ANO1: variants seen among roughly 807,000 people sequenced by gnomAD.
The protein encoded by ANO1 is anoctamin 1, also known as anoctamin-1.
Under a neutral mutation model 124.0 loss-of-function variants are expected in ANO1, and 59 were observed. The observed-to-expected ratio is 0.48, with a 90% CI of 0.39 to 0.59. The LOEUF is 0.59. Ranked by LOEUF, ANO1 falls within the 20% of genes least tolerant of loss-of-function variation. ANO1 has a pLI of 0.00. For synonymous variants in ANO1, 529 were observed against 532.0 expected (o/e 0.99, Z 0.08); for missense variants, 1,059 against 1,328.0 (o/e 0.80, Z 3.15).
intron 11 of ANO1, among the ~76,000 whole-genome samples, chr11:70,146,151 A>G (rs2047369607): frequency 6.6e-6 from 1 of 152,134 alleles, no homozygotes; most frequent in Admixed American, 6.6e-5. Flanking sequence ...TTGGTCCAGT[A>G]TCGTGGTTCT....
intron 22 of ANO1, among the ~76,000 whole-genome samples, chr11:70,173,176 G>A (rs951164142): frequency 4.6e-5 from 7 of 152,138 alleles, no homozygotes; most frequent in African/African-American, 1.2e-4. Flanking sequence ...CATTTTCACA[G>A]GTCAAAGACC....
intron 6 of ANO1, among the ~76,000 whole-genome samples, chr11:70,109,960 C>T (rs1008676253): frequency 5.9e-5 from 9 of 152,152 alleles, no homozygotes; most frequent in East Asian, 3.9e-4. Flanking sequence ...TAAATTCATC[C>T]GCAAGTGCTG....
intron 1 of ANO1, chr11:70,085,439 G>A (rs1284482660): frequency 2.0e-6 from 3 of 1,534,164 alleles, no homozygotes; most frequent in African/African-American, 2.7e-5. Flanking sequence ...AGGTCCTCCT[G>A]AAGGTCACCA....
upstream of ANO1, among the ~76,000 whole-genome samples, chr11:69,985,519 A>AC (rs1554996762): frequency 2.0e-5 from 3 of 151,850 alleles, no homozygotes; most frequent in Admixed American, 2.0e-4. Context: ...CTGATGCGGG[A>AC]ACCAGGGCCA....
rs1202610545 is a variant in ANO1 at position 70,118,521 on chromosome 11, T to C, written c.897+2022T>C. 3.3e-5 allele frequency among the ~76,000 whole-genome samples: 5 copies of C among 151,970 alleles called. No individual in the cohort carries two copies. The East Asian group carries it at 9.7e-4, about 29-fold the overall frequency. The stretch of plus-strand genomic sequence containing the variant: ...GATGGATGGATTAATGGATGATAGA[T>C]GGATGGATAGAGATGGAGATGGATA... On this transcript the variant is annotated intron_variant, in intron 8 of 25. Coordinates refer to ENST00000355303, the MANE Select transcript of ANO1 (RefSeq NM_018043.7).
chr11:70,097,453 C>G (rs1300646340), intron 2 of ANO1, among the ~76,000 whole-genome samples: 1 of 152,202 alleles, frequency 6.6e-6, no homozygotes, highest in African/African-American at 2.4e-5. Context: ...GTGGGAAATA[C>G]CAGGCACCGG....
intron 23 of ANO1, among the ~76,000 whole-genome samples, chr11:70,180,679 G>A (rs531071997): frequency 6.6e-6 from 1 of 152,258 alleles, no homozygotes; most frequent in Admixed American, 6.5e-5. Flanking sequence ...GACAGAGATA[G>A]GAGGGAAGAC....
intron 1 of ANO1, among the ~76,000 whole-genome samples, chr11:69,987,600 G>C (rs1856069789): frequency 9.8e-6 from 1 of 102,370 alleles, no homozygotes; most frequent in African/African-American, 4.5e-5. Flanking sequence ...GCAAGACCAT[G>C]TCTCAAAAAA....
chr11:70,092,778 G>T (rs986567394), intron 2 of ANO1, among the ~76,000 whole-genome samples: 1 of 152,192 alleles, frequency 6.6e-6, no homozygotes, highest in African/African-American at 2.4e-5. Flanking sequence ...CAAGACCCCA[G>T]GGCCGGCTCC....
At chr11:69,992,629 C>A (rs892464838) in intron 1 of ANO1, among the ~76,000 whole-genome samples, 6 of 152,172 alleles carry the variant, frequency 3.9e-5, no homozygotes, top group Non-Finnish European at 8.8e-5. Flanking sequence ...TGGCTCCAAC[C>A]TAGGTCCTCA....
At chr11:70,163,558 C>T (rs895108638) in intron 19 of ANO1, 19 of 629,174 alleles carry the variant, frequency 3.0e-5, no homozygotes, top group African/African-American at 3.0e-4. Flanking sequence ...AGGATAAAGT[C>T]GCTGTAGAGT....
At chr11:70,069,125 G>A (rs1403556498) in intron 1 of ANO1, among the ~76,000 whole-genome samples, 1 of 152,252 alleles carries the variant, frequency 6.6e-6, no homozygotes, top group Non-Finnish European at 1.5e-5. Flanking sequence ...CTGAGCATGG[G>A]CTGGGGGTTC....
At position 70,078,555 on chromosome 11, in the gene ANO1, C is replaced by G. The variant is rs548261789; in HGVS notation, c.-52C>G. 7 of 1,315,162 alleles carry G rather than the reference C, an allele frequency of 5.3e-6. No individual in the cohort carries two copies. The highest frequency in any genetic ancestry group is 4.7e-5 in the African/African-American group (3 of 63,618). 81.5% of individuals were successfully genotyped at this position (1,315,162 alleles called of 1,614,324 possible). On this transcript the variant is annotated 5_prime_UTR_variant, in exon 1 of 26. Transcript: ENST00000355303. ...CTCCGCCCGCAGAGGCCGCCGGGGC[C>G]GTGGATGGGGAGGGCGCGCCGCCCG...
In ANO1 at chr11:70,182,526, G is replaced by C. The variant is rs754807992; in HGVS notation, c.2428G>C (p.Asp810His). 1 of 1,599,464 alleles carries C rather than the reference G, an allele frequency of 6.3e-7. No individual in the cohort carries two copies. The highest frequency in any genetic ancestry group is 1.7e-5 in the Admixed American group (1 of 58,248). ...INAFVISFTS[D>H]FIPRLVYLYM... is the part of the protein sequence containing the mutation. ...GGCCTTCGTGATCTCCTTCACGTCT[G>C]ACTTCATCCCGCGCCTGGTGTACCT... The change falls in exon 24 of 26, where the codon GAC (aspartate) becomes CAC (histidine). Residue 810 changes from aspartate to histidine, a missense_variant. By Grantham distance (81) the Asp-to-His change is moderately conservative (BLOSUM62 -1). Transcript: ENST00000355303.
chr11:69,976,938 G>T, the ANO1 span, among the ~76,000 whole-genome samples: 1 of 152,246 alleles, frequency 6.6e-6, no homozygotes, highest in South Asian at 2.1e-4. Context: ...ATCCCCCCGG[G>T]AGATGGCTGC....
intron 11 of ANO1, among the ~76,000 whole-genome samples, chr11:70,137,003 A>G (rs2046978588): frequency 6.8e-6 from 1 of 146,898 alleles, no homozygotes; most frequent in African/African-American, 2.4e-5. Context: ...CTGAGGTTGG[A>G]GGACTTCTTG....
intron 2 of ANO1, among the ~76,000 whole-genome samples, chr11:70,093,357 G>A (rs72939383): frequency 0.19 from 28,504 of 149,504 alleles, 3,440 homozygotes; most frequent in Middle Eastern, 0.29. Context: ...TGACAGCCAT[G>A]GGGTCAGCTT....
chr11:70,146,389 T>C (rs2047378729), intron 11 of ANO1, among the ~76,000 whole-genome samples: 1 of 152,094 alleles, frequency 6.6e-6, no homozygotes. Context: ...CGTGAACTGG[T>C]GACTGTTGTT....
chr11:70,125,372 T>C (rs1203201678), intron 9 of ANO1, among the ~76,000 whole-genome samples: 3 of 145,606 alleles, frequency 2.1e-5, no homozygotes. Flanking sequence ...ATAAATGCAA[T>C]GGGCGTGGTG....
Sources: allele counts gnomAD v4.1 joint callset (sites outside exome capture counted in the v4.1 genomes callset), GRCh38; gene constraint gnomAD v4.1.1; transcripts MANE v1.5; gene names NCBI Gene and HGNC (gene_info 2026-07-23, HGNC 2026-07-21).